Variants in FBXO11 observed in about 807,000 individuals in gnomAD.
FBXO11 encodes F-box only protein 11.
A neutral mutation model predicts 117.0 loss-of-function variants in FBXO11; 13 were observed. The observed-to-expected ratio is 0.11, with a 90% confidence interval of 0.07 to 0.18. FBXO11 has a LOEUF of 0.18. FBXO11 is among the 10% of genes least tolerant of loss of function. FBXO11 has a pLI of 1.00. For synonymous variants in FBXO11, 490 were observed against 380.5 expected (o/e 1.29, Z -3.35); for missense variants, 767 against 1,164.4 (o/e 0.66, Z 4.97).
At chr2:47,886,164 A>G (rs375420382) in intron 1 of FBXO11, among the ~76,000 whole-genome samples, 1 of 152,164 alleles carries the variant, frequency 6.6e-6, no homozygotes, top group Non-Finnish European at 1.5e-5. Flanking sequence ...TTATAATTCA[A>G]TAAAGCTTAA....
At chr2:47,858,330 T>C (rs1413032499) in intron 1 of FBXO11, among the ~76,000 whole-genome samples, 3 of 151,880 alleles carry the variant, frequency 2.0e-5, no homozygotes, top group Admixed American at 1.3e-4. Flanking sequence ...AGTTTTCATG[T>C]AGTAAATCTA....
chr2:47,838,885 A>G lies in FBXO11; in HGVS notation c.561T>C (p.Ser187=). The part of the protein sequence containing the change: ...CRAACVCKRF[S]ELANDPILWK... ...ACAAAATTGGATCATTAGCAAGTTC[A>G]CTGAAGCGTTTACATACACAAGCTG... The change falls in exon 4 of 23, where the codon AGT becomes AGC. Residue 187 remains serine, a synonymous_variant. Coordinates refer to ENST00000403359, the MANE Select transcript of FBXO11 (RefSeq NM_001190274.2). 1 of 1,613,954 alleles carries G rather than the reference A, an allele frequency of 6.2e-7. No individual in the cohort carries two copies. Among genetic ancestry groups the G allele is most frequent in the Non-Finnish European group, 8.5e-7 (1 of 1,179,906 alleles).
chr2:47,862,336 G>C (rs1338988106), intron 1 of FBXO11, among the ~76,000 whole-genome samples: 1 of 152,166 alleles, frequency 6.6e-6, no homozygotes, highest in Non-Finnish European at 1.5e-5. Context: ...GAAAGCCATT[G>C]GGACTAGAGC....
intron 19 of FBXO11, 176 bp from the exon 20 acceptor site, chr2:47,809,883 A>G (rs754250243): frequency 9.2e-6 from 5 of 546,398 alleles, no homozygotes; most frequent in African/African-American, 1.9e-5. Flanking sequence ...TCACTTATCA[A>G]TGACTATGGT....
chr2:47,868,721 T>G (rs1025630458), intron 1 of FBXO11, among the ~76,000 whole-genome samples: 2 of 152,176 alleles, frequency 1.3e-5, no homozygotes, highest in African/African-American at 4.8e-5. Context: ...CTTGCCAAGG[T>G]TGATTTGGCT....
chr2:47,877,042 G>GTT (rs570651515), intron 1 of FBXO11, among the ~76,000 whole-genome samples: 17 of 144,332 alleles, frequency 1.2e-4, no homozygotes, highest in Non-Finnish European at 1.5e-4. Flanking sequence ...TTAATACAGG[G>GTT]TTTTTTTTTT....
At chr2:47,809,805 G>A in intron 19 of FBXO11, 98 bp from the exon 20 acceptor site, 1 of 736,868 alleles carries the variant, frequency 1.4e-6, no homozygotes, top group Admixed American at 2.3e-5. Context: ...TTTTATAGAA[G>A]TACATTAACC....
intron 7 of FBXO11, among the ~76,000 whole-genome samples, chr2:47,833,396 G>A (rs1185731323): frequency 6.6e-6 from 1 of 152,160 alleles, no homozygotes; most frequent in Non-Finnish European, 1.5e-5. Flanking sequence ...AGCTCAAGAA[G>A]AGAAGAGACC....
At position 47,807,667 on chromosome 2, in the gene FBXO11, T is replaced by TAAA; in HGVS notation, c.*448_*450dup. On this transcript the variant is annotated 3_prime_UTR_variant, in exon 23 of 23. Coordinates refer to ENST00000403359, the MANE Select transcript of FBXO11 (RefSeq NM_001190274.2). Reference sequence around the variant, plus strand: ...CATATTTCTCAATCTGAATACATGTTAAAAAAAAAAAATCAAAAGGAACGC... The same window carrying TAAA: ...CATATTTCTCAATCTGAATACATGTTAAAAAAAAAAAAAAATCAAAAGGAACGC... 4.8e-6 allele frequency: 1 copy of TAAA among 207,890 alleles called. No individual in the cohort carries two copies. The highest frequency in any genetic ancestry group is 9.7e-6 in the Non-Finnish European group (1 of 102,726). The allele number at this position is 207,890 out of a possible 1,614,324, so 12.9% of individuals were successfully genotyped here. A position where few individuals can be genotyped will look rare whatever the true frequency, so the allele number is the denominator to read the frequency against.
At chr2:47,859,499 C>G (rs982209926) in intron 1 of FBXO11, among the ~76,000 whole-genome samples, 4 of 152,172 alleles carry the variant, frequency 2.6e-5, no homozygotes, top group African/African-American at 9.7e-5. Flanking sequence ...TTAAAAGTAA[C>G]AGGCTCTAGA....
At chr2:47,841,353 TAAA>T (rs148314372) in intron 1 of FBXO11, among the ~76,000 whole-genome samples, 1 of 152,120 alleles carries the variant, frequency 6.6e-6, no homozygotes, top group South Asian at 2.1e-4. Flanking sequence ...GAAGGGATAA[TAAA>T]ATTAGAGAAT....
chr2:47,837,076 T>C (rs915124111), intron 4 of FBXO11: 1 of 233,384 alleles, frequency 4.3e-6, no homozygotes. Flanking sequence ...TTGAACTTAA[T>C]TTGTCCTATA....
At chr2:47,847,672 C>G (rs1206756151) in intron 1 of FBXO11, among the ~76,000 whole-genome samples, 1 of 152,114 alleles carries the variant, frequency 6.6e-6, no homozygotes, top group African/African-American at 2.4e-5. Context: ...CCACTGCACT[C>G]CAGCCTGGGT....
At chr2:47,872,244 T>TA (rs756155474) in intron 1 of FBXO11, among the ~76,000 whole-genome samples, 8 of 152,098 alleles carry the variant, frequency 5.3e-5, no homozygotes, top group Middle Eastern at 6.8e-3. Flanking sequence ...CTGCAGTTCT[T>TA]AAAAAGTGTA....
At chr2:47,888,689 T>C (rs1023274647) in intron 1 of FBXO11, 2 of 983,210 alleles carry the variant, frequency 2.0e-6, no homozygotes, top group Non-Finnish European at 2.4e-6. Flanking sequence ...TTTCAGCCAT[T>C]GCAATGTTTT....
At chr2:47,884,091 T>C (rs753143616) in intron 1 of FBXO11, among the ~76,000 whole-genome samples, 1 of 152,060 alleles carries the variant, frequency 6.6e-6, no homozygotes, top group Non-Finnish European at 1.5e-5. Flanking sequence ...CTGTGATGCA[T>C]ACCTATAATC....
chr2:47,886,896 G>A (rs1037474523), intron 1 of FBXO11, among the ~76,000 whole-genome samples: 11 of 152,118 alleles, frequency 7.2e-5, no homozygotes, highest in Admixed American at 3.9e-4. Context: ...AAAATTAACT[G>A]AGCATAGTGG....
intron 1 of FBXO11, among the ~76,000 whole-genome samples, chr2:47,845,636 A>G (rs1057453188): frequency 6.6e-6 from 1 of 152,192 alleles, no homozygotes; most frequent in East Asian, 1.9e-4. Flanking sequence ...ATACCTTACT[A>G]TACCTTAGCT....
At chr2:47,819,320 A>G (rs1572777053) in intron 14 of FBXO11, among the ~76,000 whole-genome samples, 2 of 152,240 alleles carry the variant, frequency 1.3e-5, no homozygotes, top group East Asian at 3.9e-4. Context: ...ATGTTCAAGC[A>G]ATTCTCTGCC....
Sources: allele counts gnomAD v4.1 joint callset (sites outside exome capture counted in the v4.1 genomes callset), GRCh38; gene constraint gnomAD v4.1.1; transcripts MANE v1.5; gene names NCBI Gene and HGNC (gene_info 2026-07-23, HGNC 2026-07-21).